TPP2: variants seen among roughly 807,000 people sequenced by gnomAD.
The protein encoded by TPP2 is tripeptidyl-peptidase 2.
A neutral mutation model predicts 155.9 loss-of-function variants in TPP2; 34 were observed. The ratio of observed to expected loss-of-function variants is 0.22; its 90% CI spans 0.17 to 0.29. TPP2 has a LOEUF of 0.29. Among genes scored for constraint, TPP2 ranks in the 10% least tolerant of loss-of-function variants. TPP2 has a pLI of 1.00. For missense variants in TPP2, 1,028 were observed against 1,522.3 expected, an observed-to-expected ratio of 0.68 and a Z score of 5.40; for synonymous variants, 510 against 529.4, an observed-to-expected ratio of 0.96 and a Z score of 0.50.
intron 10 of TPP2, among the ~76,000 whole-genome samples, chr13:102,633,278 C>G (rs1882141331): frequency 6.6e-6 from 1 of 152,192 alleles, no homozygotes; most frequent in African/African-American, 2.4e-5. Flanking sequence ...TGTTAGACTT[C>G]AGCTGTCCAG....
chr13:102,638,199 T>G, intron 14 of TPP2, 40 bp from the exon 15 acceptor site: 1 of 1,574,698 alleles, frequency 6.4e-7, no homozygotes, highest in Non-Finnish European at 8.7e-7. Context: ...TTTTAAACAT[T>G]TGTTTATGGA....
chr13:102,673,564 G>A (rs659799), intron 27 of TPP2, among the ~76,000 whole-genome samples: 75,381 of 151,958 alleles, frequency 0.5, 19,094 homozygotes, highest in African/African-American at 0.6. Context: ...TCCTAGGCAC[G>A]TGGAATGCAT....
chr13:102,613,660 C>A (rs1880483893), intron 2 of TPP2, among the ~76,000 whole-genome samples: 1 of 152,152 alleles, frequency 6.6e-6, no homozygotes, highest in Non-Finnish European at 1.5e-5. Context: ...GAACTAGGTT[C>A]CAGTTTTCAA....
At chr13:102,604,706 T>TAC in intron 1 of TPP2, 87 bp from the exon 2 acceptor site, 2 of 1,401,730 alleles carry the variant, frequency 1.4e-6, no homozygotes, top group Non-Finnish European at 1.9e-6. Flanking sequence ...ATTTTGTATA[T>TAC]ACACACACAT....
intron 4 of TPP2, among the ~76,000 whole-genome samples, chr13:102,617,018 C>A (rs1340698003): frequency 1.3e-5 from 2 of 150,888 alleles, no homozygotes; most frequent in Admixed American, 1.3e-4. Flanking sequence ...TCAAGCTATT[C>A]TCGCCTCAGC....
At chr13:102,654,940 G>T in intron 24 of TPP2, 1 of 491,252 alleles carries the variant, frequency 2.0e-6, no homozygotes, top group Non-Finnish European at 4.1e-6. Flanking sequence ...AGCAGGACAG[G>T]CAGCTGGGTC....
intron 24 of TPP2, among the ~76,000 whole-genome samples, chr13:102,652,778 G>A (rs1313738050): frequency 6.6e-6 from 1 of 152,010 alleles, no homozygotes; most frequent in African/African-American, 2.4e-5. Flanking sequence ...CCGTTTGGGG[G>A]CCACGTAATG....
intron 24 of TPP2, among the ~76,000 whole-genome samples, chr13:102,655,737 CTGT>C (rs1340797853): frequency 3.9e-5 from 6 of 152,308 alleles, no homozygotes; most frequent in African/African-American, 1.4e-4. Flanking sequence ...TCCCCTGACA[CTGT>C]TCTTGTCCGG....
intron 10 of TPP2, among the ~76,000 whole-genome samples, chr13:102,632,392 C>T (rs921008375): frequency 6.6e-6 from 1 of 151,952 alleles, no homozygotes; most frequent in African/African-American, 2.4e-5. Context: ...CAGGCGCTCA[C>T]CACCACACCG....
At chr13:102,615,955 C>CT (rs34368820) in intron 3 of TPP2, among the ~76,000 whole-genome samples, 36,048 of 147,666 alleles carry the variant, frequency 0.24, 4,832 homozygotes, top group East Asian at 0.45. Flanking sequence ...TCATTAGAAA[C>CT]TTTTTTTTTT....
intron 19 of TPP2, 138 bp downstream of exon 19, chr13:102,645,147 C>G (rs1390468585): frequency 1.3e-6 from 1 of 782,828 alleles, no homozygotes; most frequent in Non-Finnish European, 2.0e-6. Flanking sequence ...CAGCAGATCT[C>G]TGCAAGGCAG....
In TPP2 at chr13:102,604,837, A is replaced by G; in HGVS notation, c.210A>G (p.Thr70=). 1.9e-6 allele frequency: 3 copies of G among 1,613,968 alleles called. No homozygotes were observed. Among genetic ancestry groups the G allele is most frequent in the South Asian group, 1.1e-5 (1 of 91,024 alleles). ...GKPKIVDIID[T]TGSGDVNTAT... is the part of the protein sequence containing the mutation. Reference sequence around the variant, plus strand: ...CAAAAATCGTTGATATCATTGATACAACAGGAAGTGGCGATGTGAATACTG... The same window carrying G: ...CAAAAATCGTTGATATCATTGATACGACAGGAAGTGGCGATGTGAATACTG... The change falls in exon 2 of 30, where the codon ACA becomes ACG. Residue 70 remains threonine (T), a synonymous_variant. Transcript: ENST00000376052.
At chr13:102,603,199 A>T (rs1566314176) in intron 1 of TPP2, among the ~76,000 whole-genome samples, 1 of 152,256 alleles carries the variant, frequency 6.6e-6, no homozygotes, top group East Asian at 1.9e-4. Context: ...TCAGTAATGA[A>T]GTATTCATTG....
chr13:102,660,000 A>G (rs1309141971), intron 25 of TPP2, among the ~76,000 whole-genome samples: 2 of 140,970 alleles, frequency 1.4e-5, no homozygotes, highest in Non-Finnish European at 3.3e-5. Context: ...AATTATTATA[A>G]CAGTTAATTA....
chr13:102,627,656 T>A (rs1881728200), intron 7 of TPP2, among the ~76,000 whole-genome samples, 192 bp from the exon 8 acceptor site: 1 of 151,948 alleles, frequency 6.6e-6, no homozygotes, highest in Non-Finnish European at 1.5e-5. Context: ...ACTACTTTTT[T>A]ATGTGTCTCC....
intron 10 of TPP2, among the ~76,000 whole-genome samples, chr13:102,633,041 G>A (rs866255937): frequency 3.9e-5 from 6 of 152,154 alleles, no homozygotes; most frequent in African/African-American, 1.4e-4. Flanking sequence ...TTCTACCCAA[G>A]AGTAAAAATA....
At chr13:102,627,307 T>C in intron 7 of TPP2, 141 bp downstream of exon 7, 1 of 625,520 alleles carries the variant, frequency 1.6e-6, no homozygotes, top group Non-Finnish European at 2.3e-6. Flanking sequence ...CAAAAATATT[T>C]ACTAATTTAT....
intron 5 of TPP2, among the ~76,000 whole-genome samples, chr13:102,622,406 T>C (rs1881231124): frequency 6.6e-6 from 1 of 152,218 alleles, no homozygotes; most frequent in African/African-American, 2.4e-5. Flanking sequence ...AGAAAATGCC[T>C]TCTGTGAGAA....
chr13:102,609,148 T>C (rs770095866), intron 2 of TPP2, among the ~76,000 whole-genome samples: 5 of 152,178 alleles, frequency 3.3e-5, no homozygotes, highest in Non-Finnish European at 7.3e-5. Context: ...TCATGCAGAC[T>C]CATTTTTATG....
Sources: gnomAD v4.1 joint callset for allele counts (sites outside exome capture counted in the v4.1 genomes callset) on GRCh38, gnomAD v4.1.1 for gene constraint, MANE v1.5 for transcripts, NCBI Gene and HGNC (gene_info 2026-07-23, HGNC 2026-07-21) for gene names.